Variants in SH2D4B observed in about 807,000 individuals in gnomAD.
The protein encoded by SH2D4B is SH2 domain-containing protein 4B.
In SH2D4B, 45 loss-of-function variants were observed where a neutral mutation model predicts 61.5. The ratio of observed to expected loss-of-function variants is 0.73; its 90% CI spans 0.58 to 0.94. SH2D4B has a LOEUF of 0.94. Among genes scored for constraint, SH2D4B ranks in the 40% least tolerant of loss-of-function variants. The pLI is 0.00. For missense variants in SH2D4B, 572 were observed against 574.2 expected (o/e 1.00, Z 0.04); for synonymous variants, 224 against 220.4 (o/e 1.02, Z -0.14).
At chr10:80,599,222 G>A (rs1373770684) in intron 4 of SH2D4B, among the ~76,000 whole-genome samples, 1 of 152,182 alleles carries the variant, frequency 6.6e-6, no homozygotes, top group South Asian at 2.1e-4. Context: ...TGGGGGTAGA[G>A]TCTGGGCTGG....
At chr10:80,642,621 T>G (rs891491536) in intron 7 of SH2D4B, among the ~76,000 whole-genome samples, 2 of 152,234 alleles carry the variant, frequency 1.3e-5, no homozygotes, top group African/African-American at 4.8e-5. Context: ...GTAAATGCCA[T>G]GTGGAATTCC....
At chr10:80,607,117 C>G (rs1435255296) in intron 5 of SH2D4B, among the ~76,000 whole-genome samples, 1 of 151,920 alleles carries the variant, frequency 6.6e-6, no homozygotes, top group Non-Finnish European at 1.5e-5. Flanking sequence ...AGTCAGATTC[C>G]CTGCTTAGAA....
chr10:80,587,130 GTTTTTTTTTTTTTTTGTTTTGTTTT>G (rs1210034060), intron 3 of SH2D4B, among the ~76,000 whole-genome samples: 2 of 67,244 alleles, frequency 3.0e-5, no homozygotes, highest in Admixed American at 3.3e-4. Context: ...TTCCGGCCAC[GTTTTTTTTTTTTTTTGTTTTGTTTT>G]TTTTTTTTTT....
intron 3 of SH2D4B, among the ~76,000 whole-genome samples, 183 bp downstream of exon 3, chr10:80,571,761 GTTTCTTTTTTT>G (rs1474846425): frequency 2.7e-5 from 4 of 147,620 alleles, no homozygotes; most frequent in South Asian, 4.3e-4. Context: ...ATCCACTTCT[GTTTCTTTTTTT>G]TTTCTTTTTT....
intron 1 of SH2D4B, chr10:80,540,857 G>A: frequency 1.9e-6 from 3 of 1,551,460 alleles, no homozygotes; most frequent in Non-Finnish European, 2.6e-6. Context: ...GAATTGTGCG[G>A]GGACGGGCTC....
intron 4 of SH2D4B, among the ~76,000 whole-genome samples, chr10:80,599,265 G>A (rs941417078): frequency 4.0e-5 from 6 of 151,886 alleles, no homozygotes; most frequent in Non-Finnish European, 8.8e-5. Context: ...TTTTGGGCTG[G>A]GAGGACAGCT....
intron 5 of SH2D4B, among the ~76,000 whole-genome samples, chr10:80,608,016 C>T (rs1842540697): frequency 6.6e-6 from 1 of 152,204 alleles, no homozygotes; most frequent in South Asian, 2.1e-4. Flanking sequence ...CCCGCCTCAG[C>T]CTCTTGAGTA....
chr10:80,587,223 C>A (rs1842269560), intron 3 of SH2D4B, among the ~76,000 whole-genome samples: 1 of 147,558 alleles, frequency 6.8e-6, no homozygotes, highest in South Asian at 2.1e-4. Flanking sequence ...GCAACCTCTG[C>A]CTCCTGGGTT....
chr10:80,556,748 T>C (rs907974225), intron 1 of SH2D4B, among the ~76,000 whole-genome samples: 2 of 152,218 alleles, frequency 1.3e-5, no homozygotes, highest in African/African-American at 4.8e-5. Flanking sequence ...ATTAACCTTA[T>C]AGCTTGTGAC....
intron 3 of SH2D4B, among the ~76,000 whole-genome samples, chr10:80,582,483 C>G (rs1000342802): frequency 6.6e-6 from 1 of 152,134 alleles, no homozygotes; most frequent in Admixed American, 6.5e-5. Flanking sequence ...GCTAGGCTAC[C>G]CTTCTGGAAC....
intron 4 of SH2D4B, among the ~76,000 whole-genome samples, chr10:80,594,554 G>A (rs771838254): frequency 1.4e-4 from 22 of 152,228 alleles, no homozygotes; most frequent in African/African-American, 5.3e-4. Flanking sequence ...AATTTGTAAA[G>A]AGGAATTAAT....
At chr10:80,572,943 CAAATATATATATATATATATAT>C (rs1291150644) in intron 3 of SH2D4B, among the ~76,000 whole-genome samples, 1 of 36,512 alleles carries the variant, frequency 2.7e-5, no homozygotes, top group African/African-American at 1.0e-4. Flanking sequence ...ATGTATGTTG[CAAATATATATATATATATATAT>C]ATATATATAT....
chr10:80,587,130 GTTTTTTTTTTTTTTTGTTTTGTT>G (rs1842264868), intron 3 of SH2D4B, among the ~76,000 whole-genome samples: 3 of 67,248 alleles, frequency 4.5e-5, no homozygotes, highest in African/African-American at 9.1e-5. Context: ...TTCCGGCCAC[GTTTTTTTTTTTTTTTGTTTTGTT>G]TTTTTTTTTT....
Position 80,538,185 on chromosome 10 carries a change from G to A in SH2D4B, c.-147G>A. Reference sequence around the variant, plus strand: ...AGTTCGTCGCTGGCTGCAAGCTGAGGCCAACTGACAATGCTGCACAGAGAA... The same window carrying A: ...AGTTCGTCGCTGGCTGCAAGCTGAGACCAACTGACAATGCTGCACAGAGAA... On this transcript the variant is annotated 5_prime_UTR_variant, in exon 1 of 8. Coordinates refer to ENST00000646907, the MANE Select transcript of SH2D4B (RefSeq NM_001388272.1). This position sits in a 1 kb window ranked among gnomAD's most constrained non-coding sequence, Gnocchi z 4.8. 1 of 614,924 alleles carries A rather than the reference G, an allele frequency of 1.6e-6. No individual in the cohort carries two copies. The allele number at this position is 614,924 out of a possible 1,614,324, so 38.1% of individuals were successfully genotyped here.
chr10:80,623,471 A>G (rs1438891958), intron 6 of SH2D4B, among the ~76,000 whole-genome samples: 1 of 152,210 alleles, frequency 6.6e-6, no homozygotes, highest in Non-Finnish European at 1.5e-5. Context: ...CCCTTCTGTT[A>G]ATACCATTAT....
At chr10:80,541,425 C>A (rs1841577144) in intron 1 of SH2D4B, among the ~76,000 whole-genome samples, 1 of 152,218 alleles carries the variant, frequency 6.6e-6, no homozygotes, top group Non-Finnish European at 1.5e-5. Context: ...CTGGTCCCCT[C>A]CCTACACATT....
intron 1 of SH2D4B, among the ~76,000 whole-genome samples, chr10:80,552,885 TTCTTTCTC>T (rs1841780609): frequency 6.7e-6 from 1 of 150,368 alleles, no homozygotes; most frequent in Non-Finnish European, 1.5e-5. Flanking sequence ...CTCTCTCTCT[TTCTTTCTC>T]TCTCTCTCTC....
rs138683861 is a variant in SH2D4B at position 80,568,899 on chromosome 10, A to T, written c.185-1255A>T. Among the ~76,000 whole-genome samples the T allele has an allele frequency of 5.0e-4, 76 of 152,358 alleles. 1 individual carries two copies. In the East Asian group the frequency reaches 0.013, roughly 27 times the overall value. On this transcript the variant is annotated intron_variant, in intron 1 of 7. Coordinates refer to ENST00000646907, the MANE Select transcript of SH2D4B (RefSeq NM_001388272.1). ...CCTTAGAATGAAAAGTTCAGAAAGC[A>T]TGGGGTCTGCTTTTGAAGTTACAGT... is the stretch of plus-strand genomic sequence containing the variant.
At chr10:80,596,277 T>C (rs956617266) in intron 4 of SH2D4B, among the ~76,000 whole-genome samples, 1 of 152,194 alleles carries the variant, frequency 6.6e-6, no homozygotes, top group African/African-American at 2.4e-5. Flanking sequence ...TGGAGTTGTT[T>C]TAAGAATTGC....
Sources: gnomAD v4.1 joint callset for allele counts (sites outside exome capture counted in the v4.1 genomes callset) on GRCh38, gnomAD v4.1.1 for gene constraint, Gnocchi (gnomAD v3.1) non-coding constraint, MANE v1.5 for transcripts, NCBI Gene and HGNC (gene_info 2026-07-23, HGNC 2026-07-21) for gene names.